SH3RF3: variants seen among roughly 807,000 people sequenced by gnomAD.
SH3RF3 encodes E3 ubiquitin-protein ligase SH3RF3.
Under a neutral mutation model 66.3 loss-of-function variants are expected in SH3RF3, and 29 were observed. That is an observed-to-expected ratio of 0.44 (90% CI 0.33 to 0.60). The LOEUF is 0.60. Among genes scored for constraint, SH3RF3 ranks in the 20% least tolerant of loss-of-function variants. The pLI is 0.04. For missense variants in SH3RF3, 1,194 were observed against 1,190.9 expected, an observed-to-expected ratio of 1.00 and a Z score of -0.04; for synonymous variants, 583 against 532.0, an observed-to-expected ratio of 1.10 and a Z score of -1.32.
chr2:109,360,316 T>G (rs934663605), intron 2 of SH3RF3, among the ~76,000 whole-genome samples: 2 of 152,230 alleles, frequency 1.3e-5, no homozygotes, highest in African/African-American at 4.8e-5. Flanking sequence ...ATTGGTAGCA[T>G]ATAAATCCAG....
chr2:109,137,823 G>A (rs535728096), intron 1 of SH3RF3, among the ~76,000 whole-genome samples: 1 of 152,328 alleles, frequency 6.6e-6, no homozygotes, highest in East Asian at 1.9e-4. Flanking sequence ...CACTGTTGCT[G>A]TTTGATTTGA....
At chr2:109,463,166 T>A (rs1340327925) in intron 8 of SH3RF3, among the ~76,000 whole-genome samples, 1 of 152,240 alleles carries the variant, frequency 6.6e-6, no homozygotes, top group Non-Finnish European at 1.5e-5. Context: ...TATACTTCTG[T>A]TCACTAGACC....
chr2:109,450,358 A>G (rs1677833201), intron 8 of SH3RF3, among the ~76,000 whole-genome samples: 1 of 111,976 alleles, frequency 8.9e-6, no homozygotes, highest in Admixed American at 9.4e-5. Flanking sequence ...AAAAAAAAAA[A>G]GAAAAAGAAA....
intron 1 of SH3RF3, among the ~76,000 whole-genome samples, chr2:109,332,034 G>C (rs535011934): frequency 6.6e-6 from 1 of 152,192 alleles, no homozygotes; most frequent in Non-Finnish European, 1.5e-5. Context: ...CCGGAAATCT[G>C]TGGCTTTCTG....
At chr2:109,212,737 C>CCCGTG (rs1405798931) in intron 1 of SH3RF3, among the ~76,000 whole-genome samples, 1 of 152,188 alleles carries the variant, frequency 6.6e-6, no homozygotes, top group African/African-American at 2.4e-5. Context: ...TCTCTCTTTG[C>CCCGTG]CCGTGGCCCA....
chr2:109,304,945 G>C (rs576605338), intron 1 of SH3RF3, among the ~76,000 whole-genome samples: 3 of 152,292 alleles, frequency 2.0e-5, no homozygotes, highest in Admixed American at 6.5e-5. Flanking sequence ...TGTCCTGTCT[G>C]TAAAATCAGC....
At position 109,398,775 on chromosome 2, in the gene SH3RF3, G is replaced by GA; in HGVS notation, c.1134dup (p.Arg379ThrfsTer26). The GA allele has an allele frequency of 6.2e-7, 1 of 1,613,706 alleles. No individual in the cohort carries two copies. The highest frequency in any genetic ancestry group is 8.5e-7 in the Non-Finnish European group (1 of 1,179,804). ...GTGTGGATGGCAAGAAGAACACCAA[G>GA]AAACGCCACTCCTTCACCGCGCTCA... On this transcript the variant is annotated frameshift_variant, in exon 4 of 10. Coordinates refer to ENST00000309415, the MANE Select transcript of SH3RF3 (RefSeq NM_001099289.3). LOFTEE classifies it high-confidence loss of function.
At chr2:109,363,548 C>T (rs1683095688) in intron 2 of SH3RF3, among the ~76,000 whole-genome samples, 1 of 152,144 alleles carries the variant, frequency 6.6e-6, no homozygotes, top group Non-Finnish European at 1.5e-5. Context: ...GCCATTCCTT[C>T]TCTGGTGCGT....
chr2:109,160,198 A>G (rs1558932657), intron 1 of SH3RF3, among the ~76,000 whole-genome samples: 1 of 152,242 alleles, frequency 6.6e-6, no homozygotes, highest in East Asian at 1.9e-4. Context: ...CAGGAAGCTG[A>G]GGGTCTTGTG....
At chr2:109,395,339 T>C (rs549081478) in intron 3 of SH3RF3, among the ~76,000 whole-genome samples, 82 of 152,296 alleles carry the variant, frequency 5.4e-4, no homozygotes, top group Non-Finnish European at 1.5e-4. Context: ...AAGGGGTCCA[T>C]GGAGAAGCCC....
chr2:109,355,728 T>G (rs1682933204), intron 2 of SH3RF3, among the ~76,000 whole-genome samples: 1 of 152,194 alleles, frequency 6.6e-6, no homozygotes, highest in Non-Finnish European at 1.5e-5. Context: ...CCCTCCTCTG[T>G]GAAGCAGCAA....
intron 1 of SH3RF3, among the ~76,000 whole-genome samples, chr2:109,173,353 C>A (rs1677833288): frequency 6.6e-6 from 1 of 152,156 alleles, no homozygotes; most frequent in African/African-American, 2.4e-5. Context: ...ATCAACCGAG[C>A]CGTCCCTGCC....
rs1558650289 is a variant in SH3RF3, at chr2:109,503,201, CT to C, written c.*1531del. Reference sequence around the variant, plus strand: ...ACCTCAAAATTTTGATCCATCACCCCTCTCTCCACCTATATTTTTACAAATA... The same window carrying C: ...ACCTCAAAATTTTGATCCATCACCCCCTCTCCACCTATATTTTTACAAATA... On this transcript the variant is annotated 3_prime_UTR_variant, in exon 10 of 10. Transcript: ENST00000309415. 6.6e-6 allele frequency: 1 copy of C among 152,198 alleles called. No individual in the cohort carries two copies. The highest frequency in any genetic ancestry group is 1.5e-5 in the Non-Finnish European group (1 of 68,038). 9.4% of individuals were successfully genotyped at this position (152,198 alleles called of 1,614,324 possible).
At position 109,486,790 on chromosome 2, in the gene SH3RF3, G is replaced by A. The variant is rs1044914752; in HGVS notation, c.2149-3815G>A. On this transcript the variant is annotated intron_variant, in intron 8 of 9. Coordinates refer to ENST00000309415, the MANE Select transcript of SH3RF3 (RefSeq NM_001099289.3). ...GTGGTGGGGAGGGCCTTCCAGAAGAGAGACATCCCAGCAGGGCGACAGCAG... is the reference window on the plus strand; with the variant it reads ...GTGGTGGGGAGGGCCTTCCAGAAGAAAGACATCCCAGCAGGGCGACAGCAG... 3.9e-5 allele frequency among the ~76,000 whole-genome samples: 6 copies of A among 152,316 alleles called. No individual in the cohort carries two copies. The East Asian group carries it at 1.2e-3, about 29-fold the overall frequency.
chr2:109,500,574 T>C (rs750635313), intron 9 of SH3RF3, among the ~76,000 whole-genome samples: 8 of 152,180 alleles, frequency 5.3e-5, no homozygotes, highest in East Asian at 1.9e-4. Flanking sequence ...TTGGGCCTTA[T>C]TGATGTTGAT....
chr2:109,188,099 G>C (rs769376395), intron 1 of SH3RF3, among the ~76,000 whole-genome samples: 8 of 152,240 alleles, frequency 5.3e-5, no homozygotes, highest in African/African-American at 1.9e-4. Flanking sequence ...TGTGTGCTCT[G>C]TGCGGTGCTC....
intron 1 of SH3RF3, among the ~76,000 whole-genome samples, chr2:109,153,467 C>A (rs1369928939): frequency 6.6e-6 from 1 of 152,136 alleles, no homozygotes; most frequent in African/African-American, 2.4e-5. Context: ...TATGAAAGGA[C>A]ATGAAATAAC....
chr2:109,397,061 G>C (rs1470873851), intron 3 of SH3RF3, among the ~76,000 whole-genome samples: 1 of 152,166 alleles, frequency 6.6e-6, no homozygotes, highest in Non-Finnish European at 1.5e-5. Flanking sequence ...AGGTGCCTCT[G>C]TGGTGCCCTA....
In SH3RF3 at chr2:109,187,080, TG is replaced by T. The variant is rs1164370472; in HGVS notation, c.573+56968del. On this transcript the variant is annotated intron_variant, in intron 1 of 9. Transcript: ENST00000309415. ...TGTCACGGATCATTTAAGCATATTT[TG>T]CTAGCATCATGACCACACTCTTTGC... Among the ~76,000 whole-genome samples, 10 of 150,026 alleles carry T rather than the reference TG, an allele frequency of 6.7e-5. No individual in the cohort carries two copies. In the East Asian group the frequency reaches 2.1e-3, roughly 31 times the overall value.
Sources: allele counts gnomAD v4.1 joint callset (sites outside exome capture counted in the v4.1 genomes callset), GRCh38; gene constraint gnomAD v4.1.1; transcripts MANE v1.5; gene names NCBI Gene and HGNC (gene_info 2026-07-23, HGNC 2026-07-21).